TNKS: variants seen among roughly 807,000 people sequenced by gnomAD.
TNKS encodes tankyrase.
In TNKS, 72 loss-of-function variants were observed where a neutral mutation model predicts 135.8. That is an observed-to-expected ratio of 0.53 (90% confidence interval 0.44 to 0.64). The LOEUF is 0.64. Among genes scored for constraint, TNKS ranks in the 30% least tolerant of loss-of-function variants. The probability of loss-of-function intolerance (pLI) is 0.00; values close to 1 mark genes in which losing one functional copy is unlikely to be tolerated. For synonymous variants in TNKS, 849 were observed against 649.3 expected (o/e 1.31, Z -4.68); for missense variants, 1,769 against 1,674.0 (o/e 1.06, Z -0.99).
chr8:9,741,257 A>G (rs1012992935), intron 17 of TNKS: 1 of 153,160 alleles, frequency 6.5e-6, no homozygotes, highest in Non-Finnish European at 1.5e-5. Flanking sequence ...TTATAAAGCC[A>G]ATGGGATCGG....
rs1802858151 is a variant in TNKS at position 9,683,260 on chromosome 8, CTGT to C, written c.1107+2465_1107+2467del. On this transcript the variant is annotated intron_variant, in intron 5 of 26. Coordinates refer to ENST00000310430, the MANE Select transcript of TNKS (RefSeq NM_003747.3). ...ATGTCAGTTTGTTTTTATTTTCTTC[CTGT>C]TGTTATCAAGAAAACAAATCTAGCT... is the stretch of plus-strand genomic sequence containing the variant. Among the ~76,000 whole-genome samples the C allele has an allele frequency of 1.6e-4, 24 of 152,038 alleles. 1 individual carries two copies. In the South Asian group the frequency reaches 5.0e-3, roughly 31 times the overall value.
At chr8:9,558,446 A>G (rs569729533) in intron 1 of TNKS, 2 of 152,204 alleles carry the variant, frequency 1.3e-5, no homozygotes, top group African/African-American at 4.8e-5. Context: ...TTTATTAATC[A>G]ACAGAGGTGT....
chr8:9,647,464 C>G (rs1353039446), intron 3 of TNKS, among the ~76,000 whole-genome samples: 1 of 151,972 alleles, frequency 6.6e-6, no homozygotes, highest in African/African-American at 2.4e-5. Context: ...CACTGTTGAG[C>G]AAAAATACGG....
chr8:9,742,246 C>A (rs2128822794), intron 17 of TNKS, among the ~76,000 whole-genome samples: 1 of 151,614 alleles, frequency 6.6e-6, no homozygotes, highest in East Asian at 1.9e-4. Flanking sequence ...AATCAGGCAT[C>A]CGTGAGTTGA....
chr8:9,608,223 G>A (rs767929524), intron 2 of TNKS, among the ~76,000 whole-genome samples: 1 of 152,186 alleles, frequency 6.6e-6, no homozygotes. Flanking sequence ...ATATAGGCAT[G>A]AGACACCATG....
intron 12 of TNKS, chr8:9,722,600 G>A (rs901921175): frequency 1.3e-5 from 2 of 151,308 alleles, no homozygotes; most frequent in Admixed American, 6.6e-5. Context: ...TTTTTATGGA[G>A]TGATAGAACA....
chr8:9,563,016 C>T (rs998359127), intron 1 of TNKS, among the ~76,000 whole-genome samples: 1 of 151,852 alleles, frequency 6.6e-6, no homozygotes, highest in Non-Finnish European at 1.5e-5. Context: ...TCGTTCTTTT[C>T]TTTTTATGTA....
intron 1 of TNKS, among the ~76,000 whole-genome samples, chr8:9,571,761 G>C (rs1797767685): frequency 6.6e-6 from 1 of 152,122 alleles, no homozygotes; most frequent in Non-Finnish European, 1.5e-5. Flanking sequence ...ACCGCGCCCG[G>C]GGATTCCATG....
intron 17 of TNKS, among the ~76,000 whole-genome samples, chr8:9,736,116 A>C (rs968515060): frequency 1.3e-5 from 2 of 149,916 alleles, no homozygotes; most frequent in African/African-American, 4.9e-5. Flanking sequence ...TATAATAAAT[A>C]CCAATTTCTT....
rs373523451 is a variant in TNKS, at chr8:9,571,306, C to G, written c.674-8853C>G. On this transcript the variant is annotated intron_variant, in intron 1 of 26. Transcript: ENST00000310430. ...TTAACCTGTATCTAAGTTCACATAG[C>G]AGAAATTTGAATTCTGTCGCTTTGG... Among the ~76,000 whole-genome samples the G allele has an allele frequency of 7.9e-5, 12 of 152,254 alleles. No individual in the cohort carries two copies. The East Asian group carries it at 1.7e-3, about 22-fold the overall frequency.
At chr8:9,768,612 C>A (rs1419837992) in intron 25 of TNKS, among the ~76,000 whole-genome samples, 1 of 152,228 alleles carries the variant, frequency 6.6e-6, no homozygotes, top group Non-Finnish European at 1.5e-5. Context: ...GCAGGTCCCA[C>A]GTCATCTCCT....
chr8:9,649,599 G>C (rs1801061498), intron 3 of TNKS, among the ~76,000 whole-genome samples: 1 of 152,064 alleles, frequency 6.6e-6, no homozygotes, highest in Admixed American at 6.6e-5. Context: ...TGTACCCAGT[G>C]TGTAGTCTTT....
At chr8:9,732,847 T>C (rs1805513086) in intron 14 of TNKS, among the ~76,000 whole-genome samples, 1 of 152,188 alleles carries the variant, frequency 6.6e-6, no homozygotes, top group Non-Finnish European at 1.5e-5. Context: ...CACCTCAATA[T>C]TTACACCTGT....
chr8:9,712,971 G>C (rs1260205185), intron 11 of TNKS, among the ~76,000 whole-genome samples: 1 of 151,974 alleles, frequency 6.6e-6, no homozygotes, highest in Non-Finnish European at 1.5e-5. Flanking sequence ...CTTTGTGTAA[G>C]TTTTATAATA....
intron 2 of TNKS, among the ~76,000 whole-genome samples, chr8:9,592,977 G>T (rs919035757): frequency 2.6e-5 from 4 of 152,122 alleles, no homozygotes; most frequent in African/African-American, 9.7e-5. Flanking sequence ...ATTAGGATGG[G>T]CAGTTGAATA....
chr8:9,571,626 T>G (rs1797761992), intron 1 of TNKS, among the ~76,000 whole-genome samples: 1 of 152,146 alleles, frequency 6.6e-6, no homozygotes, highest in Non-Finnish European at 1.5e-5. Context: ...CCTGGCTATT[T>G]TTTTATATTT....
At chr8:9,610,608 A>C (rs1799424954) in intron 2 of TNKS, among the ~76,000 whole-genome samples, 1 of 152,168 alleles carries the variant, frequency 6.6e-6, no homozygotes, top group Non-Finnish European at 1.5e-5. Flanking sequence ...TTTGCTTAAA[A>C]AATTCAACGA....
chr8:9,606,629 A>G lies in TNKS; in HGVS notation c.899-8953A>G, dbSNP rs539577575. 7.9e-5 allele frequency among the ~76,000 whole-genome samples: 12 copies of G among 152,122 alleles called. 1 individual carries two copies. The South Asian group carries it at 2.3e-3, about 29-fold the overall frequency. ...TTTCTTTAAGTCTTTGAAATTTTTTATAATTGATGCTTTGAGGTCTTTGCT... is the reference window on the plus strand; with the variant it reads ...TTTCTTTAAGTCTTTGAAATTTTTTGTAATTGATGCTTTGAGGTCTTTGCT... On this transcript the variant is annotated intron_variant, in intron 2 of 26. Transcript: ENST00000310430.
intron 3 of TNKS, among the ~76,000 whole-genome samples, chr8:9,652,730 CATT>C (rs1336490675): frequency 3.3e-5 from 5 of 152,118 alleles, no homozygotes; most frequent in Non-Finnish European, 7.4e-5. Context: ...ATTTGAATCA[CATT>C]ATTATCATCA....
Sources: allele counts gnomAD v4.1 joint callset (sites outside exome capture counted in the v4.1 genomes callset), GRCh38; gene constraint gnomAD v4.1.1; transcripts MANE v1.5; gene names NCBI Gene and HGNC (gene_info 2026-07-23, HGNC 2026-07-21).